The following DPP4 variants were observed in gnomAD, a reference collection of about 807,000 sequenced individuals.
The protein encoded by DPP4 is dipeptidyl peptidase 4, also known as ADCP-2.
In DPP4, 93 loss-of-function variants were observed where a neutral mutation model predicts 122.4. That is an observed-to-expected ratio of 0.76 (90% CI 0.64 to 0.90). DPP4 has a LOEUF of 0.90. Ranked by LOEUF, DPP4 falls within the 40% of genes least tolerant of loss-of-function variation. DPP4 has a pLI of 0.00. For missense variants in DPP4, 914 were observed against 907.3 expected, an observed-to-expected ratio of 1.01 and a Z score of -0.09; for synonymous variants, 321 against 302.9, an observed-to-expected ratio of 1.06 and a Z score of -0.62.
chr2:161,993,544 G>T (rs1299578855), intron 25 of DPP4, among the ~76,000 whole-genome samples, 160 bp from the exon 26 acceptor site: 3 of 152,090 alleles, frequency 2.0e-5, no homozygotes, highest in Non-Finnish European at 2.9e-5. Flanking sequence ...TCAAAGAGGG[G>T]GTCTAATTTT....
Position 162,015,925 on chromosome 2 carries a change from T to C in DPP4, c.1567+843A>G, listed in dbSNP as rs78094863. ...GCATCACCTAGAAGCTTAATACAAA[T>C]CCAGAAACCTGGACCTTCCTTGACC... On this transcript the variant is annotated intron_variant, in intron 18 of 25. Transcript: ENST00000360534. Among the ~76,000 whole-genome samples the C allele has an allele frequency of 5.7e-3, 861 of 152,248 alleles. 11 individuals are homozygous for C. Among genetic ancestry groups the C allele is most frequent in the African/African-American group, 0.02 (833 of 41,538 alleles).
At position 162,033,658 on chromosome 2, in the gene DPP4, G is replaced by GA; in HGVS notation, c.775-6dup. On this transcript the variant is annotated splice_polypyrimidine_tract_variant and splice_region_variant and intron_variant, in intron 9 of 25. Coordinates refer to ENST00000360534, the MANE Select transcript of DPP4 (RefSeq NM_001935.4). ...AGTTGGATTCACAGCTCCTGCCTAG[G>GA]AAAAAATAATCACAGAATTGGTATT... 1 of 1,559,024 alleles carries GA rather than the reference G, an allele frequency of 6.4e-7. No homozygotes were observed. The highest frequency in any genetic ancestry group is 8.7e-7 in the Non-Finnish European group (1 of 1,153,760).
chr2:162,038,525 G>A, intron 7 of DPP4, 103 bp from the exon 8 acceptor site: 2 of 1,247,242 alleles, frequency 1.6e-6, no homozygotes, highest in Non-Finnish European at 2.2e-6. Context: ...GATTACCATA[G>A]TCAAATATTC....
chr2:162,009,406 G>C, intron 20 of DPP4, 111 bp from the exon 21 acceptor site: 1 of 919,828 alleles, frequency 1.1e-6, no homozygotes, highest in Non-Finnish European at 1.7e-6. Flanking sequence ...TTCTATTAGA[G>C]ACTAAAAATT....
At chr2:162,016,654 C>T in intron 18 of DPP4, 114 bp downstream of exon 18, 1 of 620,702 alleles carries the variant, frequency 1.6e-6, no homozygotes, top group Non-Finnish European at 2.5e-6. Flanking sequence ...GAGAAATAAC[C>T]TTTTAAATTA....
chr2:162,071,972 A>G (rs1211316513), intron 2 of DPP4, among the ~76,000 whole-genome samples: 2 of 152,240 alleles, frequency 1.3e-5, no homozygotes, highest in Non-Finnish European at 2.9e-5. Flanking sequence ...GTGATGCCTC[A>G]GTGATGTTTT....
At chr2:162,040,623 T>A (rs1683950781) in intron 5 of DPP4, among the ~76,000 whole-genome samples, 1 of 151,974 alleles carries the variant, frequency 6.6e-6, no homozygotes, top group East Asian at 1.9e-4. Context: ...TATAATACTA[T>A]AATGGTGAAA....
At chr2:162,036,606 C>A (rs985310927) in intron 8 of DPP4, among the ~76,000 whole-genome samples, 2 of 152,176 alleles carry the variant, frequency 1.3e-5, no homozygotes, top group Admixed American at 6.5e-5. Context: ...TTTCCTGCCT[C>A]TATTTTAGTA....
chr2:162,027,514 A>G (rs1335361821), intron 10 of DPP4, among the ~76,000 whole-genome samples: 1 of 151,870 alleles, frequency 6.6e-6, no homozygotes, highest in African/African-American at 2.4e-5. Context: ...AAACTGATGT[A>G]CCTCTCTCTA....
chr2:162,073,644 G>T, intron 1 of DPP4, 158 bp from the exon 2 acceptor site: 2 of 720,088 alleles, frequency 2.8e-6, no homozygotes, highest in South Asian at 1.7e-5. Context: ...TCTGGAGTGC[G>T]CCAGTTGGAG....
chr2:162,025,080 T>C (rs1354664048), intron 10 of DPP4, 141 bp from the exon 11 acceptor site: 13 of 897,970 alleles, frequency 1.4e-5, no homozygotes, highest in African/African-American at 3.4e-5. Context: ...AATGAAACCA[T>C]TTAATATAAT....
At chr2:162,020,087 G>T in intron 14 of DPP4, 142 bp downstream of exon 14, 1 of 668,252 alleles carries the variant, frequency 1.5e-6, no homozygotes, top group Non-Finnish European at 2.5e-6. Flanking sequence ...TAAGGCTTCC[G>T]TATGTTAAAA....
chr2:162,024,856 A>C lies in DPP4; in HGVS notation c.971T>G (p.Val324Gly). 1 of 1,613,980 alleles carries C rather than the reference A, an allele frequency of 6.2e-7. No individual in the cohort carries two copies. Among genetic ancestry groups the C allele is most frequent in the Non-Finnish European group, 8.5e-7 (1 of 1,180,026 alleles). Residue 324 changes from valine to glycine, a missense_variant, in exon 11 of 26, where the codon GTC (valine) becomes GGC (glycine). Transcript: ENST00000360534. Reference protein sequence around the residue: ...QWLRRIQNYSVMDICDYDESS... With the variant: ...QWLRRIQNYSGMDICDYDESS... ...TTCATCATAGTCACAAATATCCATG[A>C]CCGAATAGTTCTGAATCCTCCTGAG...
chr2:162,019,555 CA>C (rs142870783), intron 14 of DPP4, among the ~76,000 whole-genome samples: 20 of 147,400 alleles, frequency 1.4e-4, no homozygotes, highest in Admixed American at 2.7e-4. Flanking sequence ...AGGCTTCTGT[CA>C]AAAAAAAAAT....
chr2:161,996,384 G>C (rs750074895), intron 23 of DPP4, among the ~76,000 whole-genome samples: 1 of 152,184 alleles, frequency 6.6e-6, no homozygotes, highest in African/African-American at 2.4e-5. Context: ...CAGCATCTTG[G>C]TGAATCAAAT....
In DPP4 at chr2:162,055,156, A is replaced by G. The variant is rs540254367; in HGVS notation, c.95-7655T>C. The stretch of plus-strand genomic sequence containing the variant: ...GCATGAAACAATTACATTGAGAAAA[A>G]TATTTAGGATAAGTGCAATCTAATC... On this transcript the variant is annotated intron_variant, in intron 2 of 25. Transcript: ENST00000360534. 1.6e-3 allele frequency among the ~76,000 whole-genome samples: 243 copies of G among 152,364 alleles called. 1 individual carries two copies. The highest frequency in any genetic ancestry group is 5.6e-3 in the African/African-American group (232 of 41,582).
chr2:162,021,858 G>A (rs1683141118), intron 12 of DPP4, among the ~76,000 whole-genome samples: 1 of 151,766 alleles, frequency 6.6e-6, no homozygotes, highest in Non-Finnish European at 1.5e-5. Context: ...CACTTTTCAT[G>A]TTGGCAAACC....
At chr2:162,028,889 G>A (rs1683444005) in intron 10 of DPP4, among the ~76,000 whole-genome samples, 1 of 152,192 alleles carries the variant, frequency 6.6e-6, no homozygotes, top group Admixed American at 6.5e-5. Flanking sequence ...GGAAGTGTTG[G>A]AGCCGGGATT....
Position 162,029,450 on chromosome 2 carries a change from G to A in DPP4, c.887+4091C>T, listed in dbSNP as rs79141772. ...TGGGGATGCCAACCCTCCCAGGTTC[G>A]CTGACAAATCCCTCAGGAGAGGAAT... On this transcript the variant is annotated intron_variant, in intron 10 of 25. Transcript: ENST00000360534. Among the ~76,000 whole-genome samples the A allele has an allele frequency of 5.2e-3, 792 of 152,298 alleles. 5 individuals carry two copies. Among genetic ancestry groups the A allele is most frequent in the Non-Finnish European group, 8.5e-3 (575 of 68,026 alleles).
Sources: gnomAD v4.1 joint callset for allele counts (sites outside exome capture counted in the v4.1 genomes callset) on GRCh38, gnomAD v4.1.1 for gene constraint, MANE v1.5 for transcripts, NCBI Gene and HGNC (gene_info 2026-07-23, HGNC 2026-07-21) for gene names.